The following AFG3L2 variants were observed in gnomAD, a reference collection of about 807,000 sequenced individuals.
AFG3L2 encodes mitochondrial inner membrane m-AAA protease component AFG3L2.
A neutral mutation model predicts 94.5 loss-of-function variants in AFG3L2; 54 were observed. That is an observed-to-expected ratio of 0.57 (90% CI 0.46 to 0.72). The LOEUF (loss-of-function observed/expected upper bound fraction) is 0.72. Ranked by LOEUF, AFG3L2 falls within the 30% of genes least tolerant of loss-of-function variation. AFG3L2 has a pLI of 0.00. For missense variants in AFG3L2, 754 were observed against 994.9 expected (o/e 0.76, Z 3.26); for synonymous variants, 377 against 365.5 (o/e 1.03, Z -0.36).
intron 6 of AFG3L2, among the ~76,000 whole-genome samples, chr18:12,361,947 C>G (rs17595308): frequency 6.6e-6 from 1 of 152,200 alleles, no homozygotes; most frequent in African/African-American, 2.4e-5. Flanking sequence ...ATGGGCCAAA[C>G]GCCTGGCTCC....
intron 9 of AFG3L2, among the ~76,000 whole-genome samples, chr18:12,355,440 G>A (rs978506761): frequency 1.3e-5 from 2 of 152,094 alleles, no homozygotes; most frequent in Non-Finnish European, 2.9e-5. Context: ...TGGTAAGGGC[G>A]GGGAAACATC....
In AFG3L2 at chr18:12,358,916, C is replaced by T. The variant is rs369975925; in HGVS notation, c.780G>A (p.Thr260=). ...DGSFLLSMLP[T]VLIIAFLLYT... ...AGAGCAAGAAGGCGATGATGAGCAC[C>T]GTAGGCAGCATGCTCAGCAGAAAAG... Residue 260 remains threonine (T), a synonymous_variant, in exon 8 of 17, where the codon ACG becomes ACA. Transcript: ENST00000269143. 8.5e-5 allele frequency: 137 copies of T among 1,613,848 alleles called. No individual in the cohort carries two copies. The highest frequency in any genetic ancestry group is 1.0e-4 in the Non-Finnish European group (120 of 1,179,932).
chr18:12,365,487 T>C (rs188579065), intron 5 of AFG3L2, among the ~76,000 whole-genome samples: 2 of 152,276 alleles, frequency 1.3e-5, no homozygotes, highest in African/African-American at 4.8e-5. Flanking sequence ...GATGGTGGCA[T>C]AAGGAAGCAC....
intron 5 of AFG3L2, among the ~76,000 whole-genome samples, chr18:12,364,858 T>C (rs117043104): frequency 0.014 from 2,178 of 152,016 alleles, 29 homozygotes; most frequent in South Asian, 0.029. Flanking sequence ...TTTGTAGAGA[T>C]GGGGTCTCCC....
At chr18:12,365,631 A>T (rs576947303) in intron 5 of AFG3L2, among the ~76,000 whole-genome samples, 44 of 152,286 alleles carry the variant, frequency 2.9e-4, no homozygotes, top group African/African-American at 1.0e-3. Context: ...ATCTCAGTCA[A>T]CTTCAGCTCT....
At chr18:12,341,847 A>T (rs1329520349) in intron 14 of AFG3L2, 1 of 152,144 alleles carries the variant, frequency 6.6e-6, no homozygotes, top group African/African-American at 2.4e-5. Flanking sequence ...GTACCATTTT[A>T]CATTCCCTAT....
intron 16 of AFG3L2, among the ~76,000 whole-genome samples, chr18:12,332,808 G>C (rs1907577378): frequency 8.2e-6 from 1 of 121,342 alleles, no homozygotes; most frequent in African/African-American, 3.0e-5. Flanking sequence ...TTCATTCTTA[G>C]GCCATTTTTA....
chr18:12,375,912 T>C (rs1216671372), intron 1 of AFG3L2, among the ~76,000 whole-genome samples: 2 of 152,084 alleles, frequency 1.3e-5, no homozygotes, highest in Admixed American at 6.6e-5. Flanking sequence ...TCGCTTGAGT[T>C]TGGGGCTGCA....
intron 1 of AFG3L2, among the ~76,000 whole-genome samples, chr18:12,375,700 C>G (rs1243077614): frequency 6.6e-6 from 1 of 152,200 alleles, no homozygotes; most frequent in Non-Finnish European, 1.5e-5. Context: ...CGCCCGCCAC[C>G]ACGCCCGGCT....
chr18:12,333,031 A>ATCT (rs1222516145), intron 16 of AFG3L2, among the ~76,000 whole-genome samples: 3 of 67,458 alleles, frequency 4.4e-5, no homozygotes, highest in African/African-American at 1.3e-4. Context: ...ATAATATATA[A>ATCT]AAATATATAA....
In AFG3L2 at chr18:12,348,309, T is replaced by C; in HGVS notation, c.1627A>G (p.Lys543Glu). 1 of 1,614,230 alleles carries C rather than the reference T, an allele frequency of 6.2e-7. No homozygotes were observed. Among genetic ancestry groups the C allele is most frequent in the Non-Finnish European group, 8.5e-7 (1 of 1,180,040 alleles). ...ARHLSDSINQ[K>E]HFEQAIERVI... ...CGTTCAATTGCCTGTTCAAAGTGTT[T>C]CTGATTTATGGAATCTGACAGATGC... Residue 543 changes from lysine (K) to glutamate (E), a missense_variant, in exon 13 of 17, where the codon AAA becomes GAA. By Grantham distance (56) the Lys-to-Glu change is moderately conservative. Around this residue, in one of 4 missense-constraint regions of AFG3L2, gnomAD observed 279 missense variants for 378.6 expected, o/e 0.74. Transcript: ENST00000269143.
Position 12,329,128 on chromosome 18 carries a change from T to C in AFG3L2, c.*437A>G, listed in dbSNP as rs951081800. 1.4e-5 allele frequency: 10 copies of C among 702,766 alleles called. No individual in the cohort carries two copies. Among genetic ancestry groups the C allele is most frequent in the Non-Finnish European group, 2.3e-5 (9 of 384,966 alleles). The allele number at this position is 702,766 out of a possible 1,614,324, so 43.5% of individuals were successfully genotyped here. On this transcript the variant is annotated 3_prime_UTR_variant, in exon 17 of 17. Transcript: ENST00000269143. ...CAAATTAAAATGTTCTTATCAAGAC[T>C]CCAATTTAATTTCACAGCCCATCTG...
Position 12,377,074 on chromosome 18 carries a change from G to T in AFG3L2, c.9C>A (p.His3Gln). 1 of 1,424,526 alleles carries T rather than the reference G, an allele frequency of 7.0e-7. No individual in the cohort carries two copies. The highest frequency in any genetic ancestry group is 9.2e-7 in the Non-Finnish European group (1 of 1,089,338). The allele number at this position is 1,424,526 out of a possible 1,614,324, so 88.2% of individuals were successfully genotyped here. A position where few individuals can be genotyped will look rare whatever the true frequency, so the allele number is the denominator to read the frequency against. MA[H>Q]RCLRLWGRGG... ...CCCGGCCCCACAGCCGCAAACAGCG[G>T]TGCGCCATGGCCGCCGCCGTGGCCC... is the stretch of plus-strand genomic sequence containing the variant. Residue 3 changes from histidine (H) to glutamine (Q), a missense_variant, in exon 1 of 17, where the codon CAC (histidine) becomes CAA (glutamine). Transcript: ENST00000269143.
intron 12 of AFG3L2, among the ~76,000 whole-genome samples, chr18:12,349,298 C>T (rs1404037123): frequency 1.3e-5 from 2 of 152,162 alleles, no homozygotes; most frequent in African/African-American, 2.4e-5. Context: ...CTGGGACCCT[C>T]ACAGGTTACT....
intron 4 of AFG3L2, 77 bp downstream of exon 4, chr18:12,367,199 A>G (rs1818511456): frequency 1.2e-6 from 2 of 1,612,036 alleles, no homozygotes; most frequent in Non-Finnish European, 1.7e-6. Flanking sequence ...AATCCCTCCA[A>G]CACTACACTA....
At chr18:12,352,953 C>CAA (rs1388615371) in intron 10 of AFG3L2, 52 bp downstream of exon 10, 323 of 1,318,884 alleles carry the variant, frequency 2.4e-4, no homozygotes, top group East Asian at 3.0e-4. Flanking sequence ...GACTCCATCT[C>CAA]AAAAAAAAAA....
chr18:12,330,780 CAA>C (rs544247468), intron 16 of AFG3L2, among the ~76,000 whole-genome samples: 3 of 123,506 alleles, frequency 2.4e-5, no homozygotes, highest in Admixed American at 8.4e-5. Flanking sequence ...GACTCGGTCT[CAA>C]AAAAAAAAAA....
chr18:12,356,074 G>A (rs1375026229), intron 9 of AFG3L2, among the ~76,000 whole-genome samples: 1 of 150,626 alleles, frequency 6.6e-6, no homozygotes, highest in African/African-American at 2.4e-5. Flanking sequence ...TACTTTACAG[G>A]GATCAATTGT....
At chr18:12,375,928 CTG>C (rs1400670944) in intron 1 of AFG3L2, among the ~76,000 whole-genome samples, 2 of 152,132 alleles carry the variant, frequency 1.3e-5, no homozygotes, top group African/African-American at 4.8e-5. Flanking sequence ...CTGCAGTGAG[CTG>C]TGTTTGCGCC....
Sources: allele counts gnomAD v4.1 joint callset (sites outside exome capture counted in the v4.1 genomes callset), GRCh38; gene constraint gnomAD v4.1.1; regional missense constraint gnomAD v4.1.1; transcripts MANE v1.5; gene names NCBI Gene and HGNC (gene_info 2026-07-23, HGNC 2026-07-21).